TSPAN16: variants seen among roughly 807,000 people sequenced by gnomAD.
TSPAN16 encodes tetraspanin 16, also known as tetraspanin-16.
Under a neutral mutation model 25.2 loss-of-function variants are expected in TSPAN16, and 23 were observed. The ratio of observed to expected loss-of-function variants is 0.91; its 90% CI spans 0.66 to 1.29. TSPAN16 has a LOEUF of 1.29. Ranked by LOEUF, TSPAN16 falls within the 50% of genes most tolerant of loss-of-function variation. The pLI is 0.00. For missense variants in TSPAN16, 272 were observed against 299.9 expected, an observed-to-expected ratio of 0.91 and a Z score of 0.69; for synonymous variants, 123 against 124.4, an observed-to-expected ratio of 0.99 and a Z score of 0.08.
downstream of TSPAN16, among the ~76,000 whole-genome samples, chr19:11,320,276 C>G (rs998452675): frequency 6.6e-6 from 1 of 152,146 alleles, no homozygotes; most frequent in South Asian, 2.1e-4. Context: ...CATGTGCCAC[C>G]AGGCCCAGCT....
chr19:11,311,575 C>T (rs1195010997), intron 5 of TSPAN16, among the ~76,000 whole-genome samples: 1 of 152,084 alleles, frequency 6.6e-6, no homozygotes, highest in Non-Finnish European at 1.5e-5. Flanking sequence ...GGACTACAGC[C>T]ACACACCAGG....
intron 6 of TSPAN16, among the ~76,000 whole-genome samples, chr19:11,313,441 C>T (rs188963028): frequency 1.3e-4 from 20 of 151,476 alleles, no homozygotes; most frequent in Middle Eastern, 3.4e-3. Flanking sequence ...GCAGGAGAAT[C>T]GCTTGAATCT....
chr19:11,323,122 A>C (rs574486831), intron 6 of TSPAN16: 5 of 151,976 alleles, frequency 3.3e-5, no homozygotes, highest in South Asian at 2.1e-4. Context: ...AAAAAAAAAA[A>C]AACAAAAAAA....
chr19:11,298,578 G>A lies in TSPAN16; in HGVS notation c.267+239G>A, dbSNP rs1395640352. ...GCCTCCCGAGTAGCTGGGATTACAGGCACCCCTACCATGCCCTGCTAATTT... is the reference window on the plus strand; with the variant it reads ...GCCTCCCGAGTAGCTGGGATTACAGACACCCCTACCATGCCCTGCTAATTT... On this transcript the variant is annotated intron_variant, in intron 2 of 6. Coordinates refer to ENST00000590327, the MANE Select transcript of TSPAN16 (RefSeq NM_001282509.2). Among the ~76,000 whole-genome samples the A allele has an allele frequency of 2.6e-5, 4 of 152,030 alleles. No homozygotes were observed. In the East Asian group the frequency reaches 7.7e-4, roughly 29 times the overall value.
At chr19:11,316,546 C>T (rs1568295969), downstream of TSPAN16, among the ~76,000 whole-genome samples, 2 of 152,142 alleles carry the variant, frequency 1.3e-5, no homozygotes, top group African/African-American at 4.8e-5. Flanking sequence ...TATCAATCCC[C>T]TTTTTACCCT....
chr19:11,325,799 C>T (rs113924851), intron 6 of TSPAN16, among the ~76,000 whole-genome samples: 1,811 of 152,232 alleles, frequency 0.012, 31 homozygotes, highest in African/African-American at 0.041. Flanking sequence ...GCAGGCCAGG[C>T]GCAGGGGCTT....
At chr19:11,320,483 G>A (rs972308282), downstream of TSPAN16, among the ~76,000 whole-genome samples, 14 of 152,002 alleles carry the variant, frequency 9.2e-5, no homozygotes, top group African/African-American at 3.4e-4. Flanking sequence ...TTCAAGACCA[G>A]CCTGGGCAAC....
intron 4 of TSPAN16, among the ~76,000 whole-genome samples, chr19:11,302,361 T>C (rs1164129431): frequency 1.3e-5 from 2 of 151,326 alleles, no homozygotes; most frequent in East Asian, 2.0e-4. Context: ...AGTGTGTGTC[T>C]TTACTAAAAA....
chr19:11,325,588 G>A (rs776175070), intron 6 of TSPAN16: 1 of 1,601,184 alleles, frequency 6.2e-7, no homozygotes, highest in Non-Finnish European at 8.5e-7. Context: ...CTCGAAACCT[G>A]GATGAATGTT....
intron 3 of TSPAN16, 91 bp from the exon 4 acceptor site, chr19:11,301,110 C>A: frequency 9.4e-7 from 1 of 1,066,148 alleles, no homozygotes; most frequent in East Asian, 2.4e-5. Context: ...AGGGACGCTC[C>A]CACCTCCCAC....
chr19:11,298,118 TC>T, intron 1 of TSPAN16, 23 bp from the exon 2 acceptor site: 1 of 1,612,526 alleles, frequency 6.2e-7, no homozygotes. Flanking sequence ...TTACTTTTCT[TC>T]CTTTCTGGTT....
intron 4 of TSPAN16, among the ~76,000 whole-genome samples, chr19:11,302,549 A>G (rs2080564843): frequency 6.8e-6 from 1 of 147,236 alleles, no homozygotes; most frequent in Non-Finnish European, 1.5e-5. Flanking sequence ...AAAAAAAAAA[A>G]AAGGGATTTG....
chr19:11,325,593 A>C (rs2080807880), intron 6 of TSPAN16: 1 of 1,588,000 alleles, frequency 6.3e-7, no homozygotes. Flanking sequence ...AACCTGGATG[A>C]ATGTTAAGGT....
chr19:11,316,039 G>A (rs960590047), downstream of TSPAN16: 21 of 940,950 alleles, frequency 2.2e-5, no homozygotes, highest in Non-Finnish European at 2.9e-5. Context: ...CTGAATGAGA[G>A]ACTATGCCCT....
intron 4 of TSPAN16, among the ~76,000 whole-genome samples, chr19:11,302,632 T>C (rs146116463): frequency 0.038 from 5,399 of 142,770 alleles, 356 homozygotes; most frequent in African/African-American, 0.13. Context: ...AATATATATA[T>C]ACACACATAC....
At chr19:11,316,118 G>GGTT, downstream of TSPAN16, 2 of 106,052 alleles carry the variant, frequency 1.9e-5, no homozygotes, top group Non-Finnish European at 2.9e-5. Flanking sequence ...TGTGTGTGTG[G>GGTT]TTTTTTTTTT....
intron 4 of TSPAN16, among the ~76,000 whole-genome samples, chr19:11,303,829 G>C (rs925359947): frequency 1.3e-5 from 2 of 151,432 alleles, no homozygotes; most frequent in African/African-American, 4.9e-5. Flanking sequence ...TGTCACCCAA[G>C]TTGGAGTGCA....
At chr19:11,310,888 A>G in intron 5 of TSPAN16, among the ~76,000 whole-genome samples, 1 of 147,200 alleles carries the variant, frequency 6.8e-6, no homozygotes, top group East Asian at 2.0e-4. Flanking sequence ...GGCTGGATGG[A>G]GTACAGTGGT....
At chr19:11,310,456 G>A (rs139974236) in intron 5 of TSPAN16, among the ~76,000 whole-genome samples, 4,515 of 151,488 alleles carry the variant, frequency 0.03, 228 homozygotes, top group African/African-American at 0.11. Flanking sequence ...CGGAGGTTGC[G>A]GTGAGCCAAG....
Sources: gnomAD v4.1 joint callset for allele counts (sites outside exome capture counted in the v4.1 genomes callset) on GRCh38, gnomAD v4.1.1 for gene constraint, MANE v1.5 for transcripts, NCBI Gene and HGNC (gene_info 2026-07-23, HGNC 2026-07-21) for gene names.